Variants in MACROD2 observed in about 807,000 individuals in gnomAD.
MACROD2 encodes the protein ADP-ribose glycohydrolase MACROD2.
MACROD2 carries 36 observed loss-of-function variants against 70.4 expected under a neutral mutation model. The ratio of observed to expected loss-of-function variants is 0.51; its 90% confidence interval spans 0.39 to 0.68. MACROD2 has a LOEUF of 0.68. Among genes scored for constraint, MACROD2 ranks in the 30% least tolerant of loss-of-function variants. MACROD2 has a pLI of 0.00. For missense variants in MACROD2, 496 were observed against 538.4 expected, an observed-to-expected ratio of 0.92 and a Z score of 0.78; for synonymous variants, 172 against 178.8, an observed-to-expected ratio of 0.96 and a Z score of 0.30.
chr20:14,084,114 C>T (rs1226263086), intron 2 of MACROD2, among the ~76,000 whole-genome samples: 1 of 133,826 alleles, frequency 7.5e-6, no homozygotes, highest in East Asian at 2.2e-4. Flanking sequence ...GAAGCGGTTA[C>T]TAAGAAGGGA....
chr20:15,013,859 G>A (rs887271187), intron 5 of MACROD2, among the ~76,000 whole-genome samples: 6 of 152,170 alleles, frequency 3.9e-5, no homozygotes, highest in Non-Finnish European at 8.8e-5. Flanking sequence ...TGACTGAAAT[G>A]AAGCATGATC....
intron 3 of MACROD2, among the ~76,000 whole-genome samples, chr20:14,263,846 C>T (rs900513154): frequency 6.7e-6 from 1 of 149,966 alleles, no homozygotes; most frequent in Admixed American, 6.7e-5. Context: ...GGCCTGCTAA[C>T]TTTTACTCCC....
chr20:14,834,956 T>G (rs1416008192), intron 5 of MACROD2, among the ~76,000 whole-genome samples: 1 of 151,988 alleles, frequency 6.6e-6, no homozygotes, highest in Non-Finnish European at 1.5e-5. Context: ...ATATATAGAC[T>G]CTCTATATAT....
chr20:15,753,540 A>G (rs1413237099), intron 8 of MACROD2, among the ~76,000 whole-genome samples: 1 of 152,162 alleles, frequency 6.6e-6, no homozygotes, highest in Non-Finnish European at 1.5e-5. Context: ...TGTTGATTCC[A>G]TGACTTTGCT....
chr20:15,521,700 G>T (rs2047655154), intron 8 of MACROD2, among the ~76,000 whole-genome samples: 1 of 152,146 alleles, frequency 6.6e-6, no homozygotes, highest in African/African-American at 2.4e-5. Flanking sequence ...GAAAAAGCAA[G>T]ATTATGGACG....
chr20:15,813,135 A>C (rs1301758336), intron 8 of MACROD2, among the ~76,000 whole-genome samples: 2 of 152,040 alleles, frequency 1.3e-5, no homozygotes, highest in East Asian at 3.9e-4. Context: ...GCATGCACCA[A>C]CCCCTCCCCA....
At chr20:15,596,061 A>G (rs1180832912) in intron 8 of MACROD2, among the ~76,000 whole-genome samples, 1 of 152,272 alleles carries the variant, frequency 6.6e-6, no homozygotes, top group Non-Finnish European at 1.5e-5. Context: ...ATACATAGGA[A>G]GCTGAAGAAC....
At chr20:16,046,208 T>C (rs984145313) in intron 17 of MACROD2, among the ~76,000 whole-genome samples, 14 of 152,190 alleles carry the variant, frequency 9.2e-5, no homozygotes, top group African/African-American at 3.4e-4. Flanking sequence ...AGAGTACATG[T>C]CTTATTCCTG....
At chr20:14,227,638 G>T (rs766116913) in intron 3 of MACROD2, among the ~76,000 whole-genome samples, 1 of 152,204 alleles carries the variant, frequency 6.6e-6, no homozygotes, top group Non-Finnish European at 1.5e-5. Context: ...CTGTAACACC[G>T]CGAGGGTCCG....
intron 3 of MACROD2, among the ~76,000 whole-genome samples, chr20:14,103,252 C>T (rs2054322605): frequency 6.6e-6 from 1 of 152,130 alleles, no homozygotes; most frequent in African/African-American, 2.4e-5. Context: ...ACTTTGAGCC[C>T]TGCTATCCCT....
intron 5 of MACROD2, among the ~76,000 whole-genome samples, chr20:15,112,982 T>G (rs28585394): frequency 6.0e-4 from 58 of 96,010 alleles, no homozygotes; most frequent in East Asian, 2.8e-3. Flanking sequence ...GTGTGTGTGT[T>G]TGTGTGTGTA....
intron 8 of MACROD2, among the ~76,000 whole-genome samples, chr20:15,536,934 C>T (rs1047848373): frequency 4.6e-5 from 7 of 152,080 alleles, no homozygotes; most frequent in Non-Finnish European, 8.8e-5. Flanking sequence ...CTGCTTGTTC[C>T]TGCAACCTCA....
chr20:15,058,491 C>T (rs2075505163), intron 5 of MACROD2, among the ~76,000 whole-genome samples: 1 of 152,162 alleles, frequency 6.6e-6, no homozygotes, highest in Admixed American at 6.5e-5. Context: ...ATGGAATATA[C>T]TTATCCTAAA....
intron 5 of MACROD2, among the ~76,000 whole-genome samples, chr20:14,718,342 T>C (rs1331226399): frequency 7.0e-6 from 1 of 142,720 alleles, no homozygotes; most frequent in Non-Finnish European, 1.5e-5. Context: ...TGTGTATATA[T>C]ATTAATATGT....
chr20:14,706,345 A>C (rs1206368853), intron 5 of MACROD2, among the ~76,000 whole-genome samples: 1 of 151,802 alleles, frequency 6.6e-6, no homozygotes, highest in Non-Finnish European at 1.5e-5. Context: ...GAAGAATTCA[A>C]GTGAGTGAAA....
At chr20:14,108,011 C>A (rs1273544284) in intron 3 of MACROD2, among the ~76,000 whole-genome samples, 1 of 152,012 alleles carries the variant, frequency 6.6e-6, no homozygotes, top group Non-Finnish European at 1.5e-5. Context: ...ATAAACTACT[C>A]AAGTACAAAG....
intron 12 of MACROD2, among the ~76,000 whole-genome samples, chr20:15,965,946 A>C (rs572911758): frequency 1.3e-5 from 2 of 152,324 alleles, no homozygotes; most frequent in South Asian, 4.1e-4. Context: ...AATTAAAACC[A>C]CACACTTCGG....
chr20:14,975,650 T>C lies in MACROD2; in HGVS notation c.419-254290T>C, dbSNP rs149710529. ...GATGGCCTTGTTCTGGGGCTTTCCATGTGTTACAGCATTCGACTCTCACGA... is the reference window on the plus strand; with the variant it reads ...GATGGCCTTGTTCTGGGGCTTTCCACGTGTTACAGCATTCGACTCTCACGA... On this transcript the variant is annotated intron_variant, in intron 5 of 17. Transcript: ENST00000684519. Among the ~76,000 whole-genome samples the C allele has an allele frequency of 2.6e-5, 4 of 151,764 alleles. No homozygotes were observed. The East Asian group carries it at 5.8e-4, about 22-fold the overall frequency.
At chr20:15,046,074 T>A (rs2075392266) in intron 5 of MACROD2, among the ~76,000 whole-genome samples, 1 of 152,120 alleles carries the variant, frequency 6.6e-6, no homozygotes, top group Admixed American at 6.6e-5. Context: ...ATTACTTGAA[T>A]AATGTATATA....
Sources: gnomAD v4.1 joint callset for allele counts (sites outside exome capture counted in the v4.1 genomes callset) on GRCh38, gnomAD v4.1.1 for gene constraint, MANE v1.5 for transcripts, NCBI Gene and HGNC (gene_info 2026-07-23, HGNC 2026-07-21) for gene names.